POLA1: variants seen among roughly 807,000 people sequenced by gnomAD.
The protein encoded by POLA1 is DNA polymerase alpha catalytic subunit.
Under a neutral mutation model 124.0 loss-of-function variants are expected in POLA1, and 15 were observed. The ratio of observed to expected loss-of-function variants is 0.12; its 90% CI spans 0.08 to 0.19. POLA1 has a LOEUF of 0.19. Ranked by LOEUF, POLA1 falls within the 10% of genes least tolerant of loss-of-function variation. POLA1 has a pLI of 1.00. For missense variants in POLA1, 886 were observed against 1,103.4 expected (o/e 0.80, Z 2.79); for synonymous variants, 408 against 389.4 (o/e 1.05, Z -0.56).
intron 4 of POLA1, among the ~76,000 whole-genome samples, chrX:24,705,775 T>C (rs1256650221): frequency 9.0e-6 from 1 of 110,652 alleles, no homozygotes; most frequent in Admixed American, 9.7e-5. Flanking sequence ...TTTTGTTGAA[T>C]GTCCCACAAT....
At chrX:24,770,238 A>G (rs1245153798) in intron 26 of POLA1, among the ~76,000 whole-genome samples, 1 of 111,848 alleles carries the variant, frequency 8.9e-6, no homozygotes, top group African/African-American at 3.2e-5. Context: ...GAGACAGACC[A>G]TGGTCCCTGG....
At chrX:24,987,833 G>A (rs185200439) in intron 36 of POLA1, among the ~76,000 whole-genome samples, 35 of 111,378 alleles carry the variant, frequency 3.1e-4, no homozygotes, top group African/African-American at 9.8e-4. Context: ...AGGAAGGCAC[G>A]ACCTCTTTTC....
intron 36 of POLA1, among the ~76,000 whole-genome samples, chrX:24,992,816 A>G (rs1414172324): frequency 1.8e-5 from 2 of 112,839 alleles, no homozygotes; most frequent in Non-Finnish European, 3.7e-5. Flanking sequence ...TGACTTTTAT[A>G]TAAAATATTT....
intron 36 of POLA1, among the ~76,000 whole-genome samples, chrX:24,948,429 G>A (rs749746200): frequency 9.5e-4 from 104 of 109,854 alleles, no homozygotes; most frequent in Non-Finnish European, 1.6e-3. Context: ...ATCTTCTCTT[G>A]AAAGTAGCAG....
chrX:24,933,618 C>T, intron 36 of POLA1, among the ~76,000 whole-genome samples: 1 of 112,195 alleles, frequency 8.9e-6, no homozygotes, highest in Non-Finnish European at 1.9e-5. Context: ...GCAACATTTC[C>T]TTCACTAAGA....
chrX:24,885,628 G>A (rs1179239190), intron 34 of POLA1, among the ~76,000 whole-genome samples: 1 of 110,778 alleles, frequency 9.0e-6, no homozygotes, highest in Non-Finnish European at 1.9e-5. Flanking sequence ...TCCGTCTCCC[G>A]GGTTCAAGCA....
At chrX:24,737,511 G>A (rs1484272465) in intron 18 of POLA1, 114 bp from the exon 19 acceptor site, 1 of 481,596 alleles carries the variant, frequency 2.1e-6, no homozygotes, top group African/African-American at 2.4e-5. Context: ...AGTGCATGAT[G>A]TCTTCAATTA....
At chrX:24,738,533 T>C (rs748099525) in intron 19 of POLA1, among the ~76,000 whole-genome samples, 1 of 111,985 alleles carries the variant, frequency 8.9e-6, no homozygotes, top group East Asian at 2.8e-4. Flanking sequence ...GTTAGTTACC[T>C]CTCATGACAA....
intron 34 of POLA1, among the ~76,000 whole-genome samples, chrX:24,854,246 A>G: frequency 9.0e-6 from 1 of 110,600 alleles, no homozygotes; most frequent in East Asian, 2.9e-4. Flanking sequence ...GGGTTTCACC[A>G]TGTTGGCCAG....
chrX:24,948,351 GT>G (rs5901766), intron 36 of POLA1, among the ~76,000 whole-genome samples: 8,822 of 104,233 alleles, frequency 0.085, 332 homozygotes, highest in Middle Eastern at 0.14. Flanking sequence ...GCTACTTTCT[GT>G]TTTTTTTTTT....
At chrX:24,718,238 A>G (rs1467715168) in intron 10 of POLA1, among the ~76,000 whole-genome samples, 1 of 111,898 alleles carries the variant, frequency 8.9e-6, no homozygotes, top group Non-Finnish European at 1.9e-5. Context: ...CGTGCACTAT[A>G]ATGGAGCTTA....
At chrX:24,756,455 C>T (rs1398240591) in intron 26 of POLA1, among the ~76,000 whole-genome samples, 3 of 108,703 alleles carry the variant, frequency 2.8e-5, no homozygotes, top group African/African-American at 1.0e-4. Context: ...CCTAGCTACT[C>T]AGGAGGCTGA....
chrX:24,706,850 A>T (rs969053905), intron 4 of POLA1, among the ~76,000 whole-genome samples: 1 of 112,431 alleles, frequency 8.9e-6, no homozygotes, highest in South Asian at 3.6e-4. Flanking sequence ...TTCAAATTTC[A>T]GTTTTAAAAC....
intron 32 of POLA1, among the ~76,000 whole-genome samples, chrX:24,834,912 C>T (rs887491109): frequency 2.7e-5 from 3 of 111,055 alleles, no homozygotes; most frequent in African/African-American, 9.8e-5. Flanking sequence ...AGATTAAACC[C>T]TCATATACTC....
At chrX:24,892,145 C>CAT (rs751660843) in intron 35 of POLA1, among the ~76,000 whole-genome samples, 215 of 107,783 alleles carry the variant, frequency 2.0e-3, no homozygotes, top group Middle Eastern at 9.5e-3. Context: ...ATATTTCATT[C>CAT]ATATATATAT....
At chrX:24,950,345 C>T (rs748325109) in intron 36 of POLA1, among the ~76,000 whole-genome samples, 8 of 111,801 alleles carry the variant, frequency 7.2e-5, no homozygotes, top group South Asian at 7.5e-4. Flanking sequence ...GTAGCTAGTG[C>T]GACTGAGGAA....
At chrX:24,954,893 A>G (rs906495615) in intron 36 of POLA1, among the ~76,000 whole-genome samples, 1 of 111,757 alleles carries the variant, frequency 8.9e-6, no homozygotes. Flanking sequence ...TTACCAGCTC[A>G]TCTAACAGTA....
chrX:24,816,939 T>C (rs1445775966), intron 30 of POLA1, among the ~76,000 whole-genome samples: 1 of 112,222 alleles, frequency 8.9e-6, no homozygotes, highest in East Asian at 2.8e-4. Context: ...TCTAGACTTA[T>C]GTAAAAGTAG....
At position 24,888,245 on chromosome X, in the gene POLA1, T is replaced by C; in HGVS notation, c.4164+123T>C. On this transcript the variant is annotated intron_variant, in intron 35 of 36. Transcript: ENST00000379068. Reference sequence around the variant, plus strand: ...TACTACCATATGCATATACTAATCTTATTTTTAAAAAATACAGATTTCAGA... The same window carrying C: ...TACTACCATATGCATATACTAATCTCATTTTTAAAAAATACAGATTTCAGA... 9.8e-6 allele frequency: 4 copies of C among 409,939 alleles called. No individual in the cohort carries two copies. In the South Asian group the frequency reaches 2.2e-4, roughly 23 times the overall value. 33.8% of individuals were successfully genotyped at this position (409,939 alleles called of 1,213,427 possible). A position where few individuals can be genotyped will look rare whatever the true frequency, so the allele number is the denominator to read the frequency against.
Sources: allele counts gnomAD v4.1 joint callset (sites outside exome capture counted in the v4.1 genomes callset), GRCh38; gene constraint gnomAD v4.1.1; transcripts MANE v1.5; gene names NCBI Gene and HGNC (gene_info 2026-07-23, HGNC 2026-07-21).